PRKN: variants seen among roughly 807,000 people sequenced by gnomAD.
PRKN encodes E3 ubiquitin-protein ligase parkin.
Under a neutral mutation model 59.5 loss-of-function variants are expected in PRKN, and 56 were observed. That is an observed-to-expected ratio of 0.94 (90% CI 0.76 to 1.18). PRKN has a LOEUF of 1.18. Ranked by LOEUF, PRKN falls within the 50% of genes most tolerant of loss-of-function variation. The pLI is 0.00. For missense variants in PRKN, 657 were observed against 596.4 expected, an observed-to-expected ratio of 1.10 and a Z score of -1.06; for synonymous variants, 250 against 222.1, an observed-to-expected ratio of 1.13 and a Z score of -1.12.
chr6:162,595,682 C>T (rs1463422045), intron 1 of PRKN, among the ~76,000 whole-genome samples: 1 of 151,942 alleles, frequency 6.6e-6, no homozygotes, highest in Non-Finnish European at 1.5e-5. Context: ...AATTTCACTG[C>T]TAATCCAAAA....
In PRKN at chr6:161,473,485, G is replaced by A. The variant is rs1264665460; in HGVS notation, c.1083+75369C>T. Among the ~76,000 whole-genome samples the A allele has an allele frequency of 6.6e-6, 1 of 151,526 alleles. No homozygotes were observed. Among genetic ancestry groups the A allele is most frequent in the East Asian group, 1.9e-4 (1 of 5,168 alleles). Reference sequence around the variant, plus strand: ...TGAACTGAGCCAGACACAGGAAAAAGTACTGCATGATCTTACTTACATGTG... The same window carrying A: ...TGAACTGAGCCAGACACAGGAAAAAATACTGCATGATCTTACTTACATGTG... On this transcript the variant is annotated intron_variant, in intron 9 of 11. Transcript: ENST00000366898. The surrounding 1 kb of genome is among the most constrained non-coding windows in gnomAD (Gnocchi z 4.1).
intron 9 of PRKN, among the ~76,000 whole-genome samples, chr6:161,519,497 T>C (rs1583182220): frequency 6.6e-6 from 1 of 152,128 alleles, no homozygotes; most frequent in African/African-American, 2.4e-5. Flanking sequence ...GGGAGGGATA[T>C]AGTGAAAGAC....
chr6:162,292,188 T>C (rs986748285), intron 2 of PRKN, among the ~76,000 whole-genome samples: 3 of 152,044 alleles, frequency 2.0e-5, no homozygotes, highest in Non-Finnish European at 2.9e-5. Context: ...AGTCTCCAAC[T>C]CCTGACCTCA....
intron 7 of PRKN, among the ~76,000 whole-genome samples, chr6:161,719,793 T>C (rs1325196851): frequency 6.6e-6 from 1 of 152,310 alleles, no homozygotes; most frequent in East Asian, 1.9e-4. Flanking sequence ...TGTATGGCTA[T>C]TTTGTTTTTT....
chr6:161,891,139 C>T (rs1196842500), intron 6 of PRKN, among the ~76,000 whole-genome samples: 1 of 152,116 alleles, frequency 6.6e-6, no homozygotes, highest in Admixed American at 6.5e-5. Flanking sequence ...ATGGCTGCTC[C>T]AAGTCAGAAC....
In PRKN at chr6:161,550,524, G is replaced by A. The variant is rs904584086; in HGVS notation, c.934-1521C>T. Among the ~76,000 whole-genome samples the A allele has an allele frequency of 3.9e-5, 6 of 152,278 alleles. No homozygotes were observed. The highest frequency in any genetic ancestry group is 3.9e-4 in the East Asian group (2 of 5,176). ...GCAAAAGATGGCACTGGCTTGAACCGGGAAGGTAGTGCTGGAGGTAGGATG... is the reference window on the plus strand; with the variant it reads ...GCAAAAGATGGCACTGGCTTGAACCAGGAAGGTAGTGCTGGAGGTAGGATG... On this transcript the variant is annotated intron_variant, in intron 8 of 11. Transcript: ENST00000366898. The surrounding 1 kb of genome is among the most constrained non-coding windows in gnomAD (Gnocchi z 4.0).
At chr6:161,632,161 G>A (rs920021668) in intron 7 of PRKN, among the ~76,000 whole-genome samples, 6 of 152,118 alleles carry the variant, frequency 3.9e-5, no homozygotes, top group African/African-American at 1.2e-4. Flanking sequence ...ATGGCAGAGA[G>A]GTCTTATTTA....
intron 6 of PRKN, among the ~76,000 whole-genome samples, chr6:161,958,638 G>A (rs1208461568): frequency 6.6e-6 from 1 of 151,934 alleles, no homozygotes; most frequent in Non-Finnish European, 1.5e-5. Flanking sequence ...CAGCAATTTG[G>A]GAGGCCAAGA....
At chr6:162,366,482 A>C (rs1309452490) in intron 2 of PRKN, among the ~76,000 whole-genome samples, 1 of 152,214 alleles carries the variant, frequency 6.6e-6, no homozygotes, top group African/African-American at 2.4e-5. Context: ...ATTTTCAAAA[A>C]TAAACACAGA....
At chr6:161,964,395 C>T (rs1049739774) in intron 6 of PRKN, among the ~76,000 whole-genome samples, 8 of 151,920 alleles carry the variant, frequency 5.3e-5, no homozygotes, top group Non-Finnish European at 1.2e-4. Context: ...TAGCAGCTCT[C>T]CCTCAAGACT....
At chr6:161,872,297 G>A (rs76421570) in intron 6 of PRKN, among the ~76,000 whole-genome samples, 1,641 of 152,188 alleles carry the variant, frequency 0.011, 24 homozygotes, top group African/African-American at 0.038. Context: ...GAGAAGATGA[G>A]CCATAAGCCA....
rs551876836 is a variant in PRKN, at chr6:161,560,437, T to A, written c.933+8918A>T. ...CTCCTTTGAGACCCATGCTTCACCC[T>A]CACCTCCTCACTGCTGCCCCCTGAT... On this transcript the variant is annotated intron_variant, in intron 8 of 11. Coordinates refer to ENST00000366898, the MANE Select transcript of PRKN (RefSeq NM_004562.3). This position sits in a 1 kb window ranked among gnomAD's most constrained non-coding sequence, Gnocchi z 4.9. 6.6e-6 allele frequency among the ~76,000 whole-genome samples: 1 copy of A among 152,254 alleles called. No homozygotes were observed. Among genetic ancestry groups the A allele is most frequent in the Admixed American group, 6.5e-5 (1 of 15,272 alleles).
chr6:162,501,222 TA>T (rs1415630525), intron 1 of PRKN, among the ~76,000 whole-genome samples: 2 of 152,184 alleles, frequency 1.3e-5, no homozygotes, highest in Non-Finnish European at 2.9e-5. Context: ...AGATAAATTC[TA>T]AACTAGTGGA....
Position 161,445,730 on chromosome 6 carries a change from A to G in PRKN, c.1084-58853T>C, listed in dbSNP as rs1220841611. 6.6e-6 allele frequency among the ~76,000 whole-genome samples: 1 copy of G among 152,220 alleles called. No individual in the cohort carries two copies. Among genetic ancestry groups the G allele is most frequent in the Non-Finnish European group, 1.5e-5 (1 of 68,046 alleles). ...CTCCCTTCACGTGCGGGGCCAGGTG[A>G]CTGCACAGAGTGATGAGCTGGGCCC... On this transcript the variant is annotated intron_variant, in intron 9 of 11. Coordinates refer to ENST00000366898, the MANE Select transcript of PRKN (RefSeq NM_004562.3). The surrounding 1 kb of genome is among the most constrained non-coding windows in gnomAD (Gnocchi z 7.7).
chr6:162,463,262 C>T (rs1791254478), intron 1 of PRKN, among the ~76,000 whole-genome samples: 1 of 152,066 alleles, frequency 6.6e-6, no homozygotes, highest in Admixed American at 6.6e-5. Context: ...GAAATACAAC[C>T]ACAATTATAC....
intron 2 of PRKN, among the ~76,000 whole-genome samples, chr6:162,287,982 T>C (rs911206336): frequency 3.9e-5 from 6 of 152,138 alleles, no homozygotes; most frequent in Admixed American, 1.3e-4. Flanking sequence ...GACCCACAAT[T>C]TTCCCACTGC....
intron 7 of PRKN, among the ~76,000 whole-genome samples, chr6:161,669,164 G>A (rs955350950): frequency 6.6e-6 from 1 of 152,152 alleles, no homozygotes; most frequent in South Asian, 2.1e-4. Context: ...ACAAGGAAGT[G>A]GGCCCTCATC....
chr6:162,445,119 T>C (rs147188458), intron 1 of PRKN, among the ~76,000 whole-genome samples: 15 of 152,260 alleles, frequency 9.9e-5, no homozygotes, highest in African/African-American at 3.6e-4. Context: ...CTCATCATAA[T>C]TATAATAATC....
At chr6:162,496,267 T>C (rs992818144) in intron 1 of PRKN, among the ~76,000 whole-genome samples, 1 of 152,000 alleles carries the variant, frequency 6.6e-6, no homozygotes, top group East Asian at 1.9e-4. Flanking sequence ...AAAAACAGTA[T>C]AGATTAAAAT....
Sources: allele counts gnomAD v4.1 joint callset (sites outside exome capture counted in the v4.1 genomes callset), GRCh38; gene constraint gnomAD v4.1.1; non-coding constraint Gnocchi (gnomAD v3.1); transcripts MANE v1.5; gene names NCBI Gene and HGNC (gene_info 2026-07-23, HGNC 2026-07-21).